PRELID2: variants seen among roughly 807,000 people sequenced by gnomAD.
PRELID2 encodes the protein PRELI domain containing 2, also known as PRELI domain-containing protein 2.
Under a neutral mutation model 28.4 loss-of-function variants are expected in PRELID2, and 25 were observed. The observed-to-expected ratio is 0.88, with a 90% CI of 0.64 to 1.23. The LOEUF is 1.23. Ranked by LOEUF, PRELID2 falls within the 50% of genes most tolerant of loss-of-function variation. The probability of loss-of-function intolerance (pLI) is 0.00; values close to 1 mark genes in which losing one functional copy is unlikely to be tolerated. For missense variants in PRELID2, 201 were observed against 214.4 expected (o/e 0.94, Z 0.39); for synonymous variants, 76 against 71.6 (o/e 1.06, Z -0.31).
At chr5:145,258,108 T>C in the PRELID2 span, among the ~76,000 whole-genome samples, 1 of 152,208 alleles carries the variant, frequency 6.6e-6, no homozygotes, top group Non-Finnish European at 1.5e-5. Context: ...GAGAAGCAGA[T>C]GCTGCTATGC....
chr5:145,344,743 A>G, the PRELID2 span, among the ~76,000 whole-genome samples: 1 of 152,080 alleles, frequency 6.6e-6, no homozygotes, highest in Non-Finnish European at 1.5e-5. Flanking sequence ...AATAGTTACA[A>G]ATAGTGCTTC....
At chr5:145,677,615 T>C (rs536116691) in intron 1 of PRELID2, among the ~76,000 whole-genome samples, 1 of 152,306 alleles carries the variant, frequency 6.6e-6, no homozygotes, top group Non-Finnish European at 1.5e-5. Context: ...TGAAGCTGGG[T>C]GACATATTCA....
the PRELID2 span, among the ~76,000 whole-genome samples, chr5:145,442,352 T>C: frequency 6.6e-6 from 1 of 152,042 alleles, no homozygotes; most frequent in African/African-American, 2.4e-5. Context: ...AGGAATTCAA[T>C]AAAGCATCCA....
At chr5:145,376,820 AT>A in the PRELID2 span, among the ~76,000 whole-genome samples, 942 of 151,568 alleles carry the variant, frequency 6.2e-3, 31 homozygotes, top group East Asian at 9.5e-3. Context: ...CTATTTTATA[AT>A]TTTTTTTGAA....
chr5:145,247,215 A>T, the PRELID2 span, among the ~76,000 whole-genome samples: 2 of 152,128 alleles, frequency 1.3e-5, no homozygotes. Context: ...TTCCATCTGC[A>T]ACGTGACCAA....
chr5:145,634,122 A>T (rs1264729782), intron 1 of PRELID2, among the ~76,000 whole-genome samples: 1 of 152,202 alleles, frequency 6.6e-6, no homozygotes, highest in Non-Finnish European at 1.5e-5. Flanking sequence ...CCAGGGTGGT[A>T]CATTTTGTGG....
chr5:145,235,135 T>C, the PRELID2 span, among the ~76,000 whole-genome samples: 1 of 152,264 alleles, frequency 6.6e-6, no homozygotes, highest in South Asian at 2.1e-4. Flanking sequence ...TGAGCCATTC[T>C]CTTTCTTGTT....
intron 6 of PRELID2, among the ~76,000 whole-genome samples, chr5:145,761,514 G>C (rs377677853): frequency 1.1e-4 from 17 of 152,254 alleles, no homozygotes; most frequent in African/African-American, 4.1e-4. Flanking sequence ...GGGGTAAGAC[G>C]TGATCAAACA....
At chr5:145,708,349 C>T (rs1755602219) in intron 1 of PRELID2, among the ~76,000 whole-genome samples, 2 of 151,502 alleles carry the variant, frequency 1.3e-5, no homozygotes, top group African/African-American at 2.4e-5. Flanking sequence ...GGCTGTGTGA[C>T]CTTAAGCAAG....
intron 1 of PRELID2, among the ~76,000 whole-genome samples, chr5:145,529,565 A>T (rs184611074): frequency 6.6e-6 from 1 of 152,274 alleles, no homozygotes; most frequent in Non-Finnish European, 1.5e-5. Flanking sequence ...TCAGAGAATG[A>T]CAATTCATTT....
the PRELID2 span, among the ~76,000 whole-genome samples, chr5:145,240,048 A>C: frequency 5.1e-3 from 782 of 152,124 alleles, 2 homozygotes; most frequent in Non-Finnish European, 7.9e-3. Context: ...TTTGACAACA[A>C]GGTTGCGTCT....
At chr5:145,263,514 C>CA in the PRELID2 span, among the ~76,000 whole-genome samples, 3 of 150,278 alleles carry the variant, frequency 2.0e-5, no homozygotes, top group East Asian at 2.0e-4. Context: ...TAAATTGAAA[C>CA]AAAAAAATTA....
At position 145,598,678 on chromosome 5, in the gene PRELID2, C is replaced by T. The variant is rs114065927; in HGVS notation, n.71-125363G>A. Among the ~76,000 whole-genome samples, 1,390 of 152,208 alleles carry T rather than the reference C, an allele frequency of 9.1e-3. 30 individuals carry two copies. The highest frequency in any genetic ancestry group is 0.032 in the African/African-American group (1,320 of 41,526). On this transcript the variant is annotated intron_variant and non_coding_transcript_variant, in intron 1 of 2. Coordinates refer to the PRELID2 transcript ENST00000510259. Reference sequence around the variant, plus strand: ...AATGTAATGAGTACTCTGTTCCAGACATTTCTTGGCTCTGGGGATAGAGGA... The same window carrying T: ...AATGTAATGAGTACTCTGTTCCAGATATTTCTTGGCTCTGGGGATAGAGGA...
rs1757311730 is a variant in PRELID2 at position 145,758,017 on chromosome 5, T to A, written c.*2519A>T. Among the ~76,000 whole-genome samples, 1 of 151,964 alleles carries A rather than the reference T, an allele frequency of 6.6e-6. No individual in the cohort carries two copies. Among genetic ancestry groups the A allele is most frequent in the African/African-American group, 2.4e-5 (1 of 41,350 alleles). On this transcript the variant is annotated 3_prime_UTR_variant, in exon 7 of 7. Transcript: ENST00000683046. ...TACATCCAGAGTACAAAAATGCAAA[T>A]CCATTAAAGCTTGGCCAGGATGTTT... is the stretch of plus-strand genomic sequence containing the variant.
At position 145,835,290 on chromosome 5, in the gene PRELID2, C is replaced by A; in HGVS notation, c.-39G>T. 2 of 1,463,236 alleles carry A rather than the reference C, an allele frequency of 1.4e-6. No homozygotes were observed. The highest frequency in any genetic ancestry group is 1.9e-6 in the Non-Finnish European group (2 of 1,071,466). The allele number at this position is 1,463,236 out of a possible 1,614,324, so 90.6% of individuals were successfully genotyped here. A position where few individuals can be genotyped will look rare whatever the true frequency, so the allele number is the denominator to read the frequency against. ...GGGCCCCGCGCACCGGCCACGCCTCCGCGAGCTCAGAGCTGCCCAGGGCTC... is the reference window on the plus strand; with the variant it reads ...GGGCCCCGCGCACCGGCCACGCCTCAGCGAGCTCAGAGCTGCCCAGGGCTC... On this transcript the variant is annotated 5_prime_UTR_variant, in exon 1 of 7. Coordinates refer to ENST00000683046, the MANE Select transcript of PRELID2 (RefSeq NM_205846.3).
intron 1 of PRELID2, among the ~76,000 whole-genome samples, chr5:145,725,953 C>A (rs540031519): frequency 4.6e-5 from 7 of 152,122 alleles, no homozygotes; most frequent in African/African-American, 1.7e-4. Context: ...TAGGCCAAGG[C>A]AGGTAGATCA....
chr5:145,401,917 A>C, the PRELID2 span, among the ~76,000 whole-genome samples: 2 of 152,134 alleles, frequency 1.3e-5, no homozygotes, highest in East Asian at 3.9e-4. Flanking sequence ...GGTAACTACT[A>C]TCAGTTGTAT....
At chr5:145,351,786 C>T in the PRELID2 span, among the ~76,000 whole-genome samples, 1 of 152,120 alleles carries the variant, frequency 6.6e-6, no homozygotes, top group East Asian at 1.9e-4. Context: ...AGATACAATA[C>T]AGGTAGAGGC....
chr5:145,229,736 C>A, the PRELID2 span: 1 of 753,824 alleles, frequency 1.3e-6, no homozygotes, highest in Non-Finnish European at 2.4e-6. Flanking sequence ...GGGAAGTGCA[C>A]AAAACCAATC....
Sources: gnomAD v4.1 joint callset for allele counts (sites outside exome capture counted in the v4.1 genomes callset) on GRCh38, gnomAD v4.1.1 for gene constraint, MANE v1.5 for transcripts, NCBI Gene and HGNC (gene_info 2026-07-23, HGNC 2026-07-21) for gene names.